The following AGBL3 variants were observed in gnomAD, a reference collection of about 807,000 sequenced individuals.
AGBL3 encodes AGBL carboxypeptidase 3.
AGBL3 carries 68 observed loss-of-function variants against 94.5 expected under a neutral mutation model. That is an observed-to-expected ratio of 0.72 (90% CI 0.59 to 0.88). The LOEUF (loss-of-function observed/expected upper bound fraction) is 0.88, where lower values mean the gene tolerates loss of function less well. Among genes scored for constraint, AGBL3 ranks in the 40% least tolerant of loss-of-function variants. AGBL3 has a pLI of 0.00. For synonymous variants in AGBL3, 354 were observed against 370.7 expected, an observed-to-expected ratio of 0.95 and a Z score of 0.52; for missense variants, 934 against 1,103.8, an observed-to-expected ratio of 0.85 and a Z score of 2.18.
In AGBL3 at chr7:135,037,588, C is replaced by G. The variant is rs1332546145; in HGVS notation, c.1500+8C>G. 2.4e-5 allele frequency: 37 copies of G among 1,529,702 alleles called. No individual in the cohort carries two copies. Among genetic ancestry groups the G allele is most frequent in the Non-Finnish European group, 3.3e-5 (37 of 1,137,394 alleles). The allele number at this position is 1,529,702 out of a possible 1,614,324, so 94.8% of individuals were successfully genotyped here. A position where few individuals can be genotyped will look rare whatever the true frequency, so the allele number is the denominator to read the frequency against. ...AAAAATTGTCCAGATAAAGTAAGCACCTTTTAAGGTATTAACTTTTCCTTT... is the reference window on the plus strand; with the variant it reads ...AAAAATTGTCCAGATAAAGTAAGCAGCTTTTAAGGTATTAACTTTTCCTTT... On this transcript the variant is annotated splice_region_variant and intron_variant, in intron 8 of 16. Transcript: ENST00000436302.
chr7:135,095,809 C>T (rs139527380), intron 15 of AGBL3, among the ~76,000 whole-genome samples: 5 of 152,156 alleles, frequency 3.3e-5, no homozygotes, highest in East Asian at 1.9e-4. Context: ...TCTGAGTGGA[C>T]GGGGGTACTG....
chr7:134,992,487 T>C (rs1810420453), intron 3 of AGBL3, among the ~76,000 whole-genome samples: 1 of 152,270 alleles, frequency 6.6e-6, no homozygotes, highest in African/African-American at 2.4e-5. Flanking sequence ...TATGCCCTAC[T>C]ACAGTGTAAG....
intron 11 of AGBL3, among the ~76,000 whole-genome samples, chr7:135,050,583 A>T (rs947504743): frequency 6.6e-6 from 1 of 151,638 alleles, no homozygotes; most frequent in Non-Finnish European, 1.5e-5. Context: ...TATATTTGTG[A>T]TTGTTGTATC....
chr7:135,124,687 T>C (rs1378226909), intron 16 of AGBL3, among the ~76,000 whole-genome samples: 2 of 152,178 alleles, frequency 1.3e-5, no homozygotes, highest in African/African-American at 4.8e-5. Context: ...ACTGAAATCA[T>C]AGCAAACAGT....
chr7:135,101,012 C>T, intron 15 of AGBL3: 1 of 356,132 alleles, frequency 2.8e-6, no homozygotes, highest in South Asian at 2.2e-5. Flanking sequence ...TATAACATGG[C>T]TATTACATTA....
chr7:135,073,445 C>T (rs1380823897), intron 12 of AGBL3, among the ~76,000 whole-genome samples: 1 of 151,440 alleles, frequency 6.6e-6, no homozygotes, highest in Non-Finnish European at 1.5e-5. Flanking sequence ...CACTCCAGCC[C>T]ACGTGACAGT....
chr7:135,070,314 C>A (rs563090089), intron 12 of AGBL3, among the ~76,000 whole-genome samples: 1 of 152,328 alleles, frequency 6.6e-6, no homozygotes, highest in South Asian at 2.1e-4. Flanking sequence ...GAGCTGGTAC[C>A]ATTCCTTCTG....
Position 135,004,896 on chromosome 7 carries a change from AT to A in AGBL3, c.310+11226del, listed in dbSNP as rs539990084. ...TTTGTGCTGTATTCTAATAATATAAATTTTTTTTATAAATCGGATTTATTTA... is the reference window on the plus strand; with the variant it reads ...TTTGTGCTGTATTCTAATAATATAAATTTTTTTATAAATCGGATTTATTTA... On this transcript the variant is annotated intron_variant, in intron 4 of 16. Coordinates refer to ENST00000436302, the MANE Select transcript of AGBL3 (RefSeq NM_178563.4). Among the ~76,000 whole-genome samples the A allele has an allele frequency of 2.3e-3, 349 of 151,430 alleles. 1 individual carries two copies. Among genetic ancestry groups the A allele is most frequent in the African/African-American group, 7.7e-3 (319 of 41,456 alleles).
rs1821667663 is a variant in AGBL3, at chr7:135,090,295, C to G, written c.2110+8505C>G. ...GTCATCTGGGCCCTAGAGGGCCCAG[C>G]AGAGCAATGACTCCATTTTCCAGGG... On this transcript the variant is annotated intron_variant, in intron 15 of 16. Transcript: ENST00000436302. Among the ~76,000 whole-genome samples, 3 of 152,154 alleles carry G rather than the reference C, an allele frequency of 2.0e-5. No homozygotes were observed. The South Asian group carries it at 6.2e-4, about 32-fold the overall frequency.
Position 134,986,562 on chromosome 7 carries a change from G to A in AGBL3, c.-199G>A, listed in dbSNP as rs1285734958. 6.6e-6 allele frequency: 1 copy of A among 152,184 alleles called. No individual in the cohort carries two copies. The highest frequency in any genetic ancestry group is 1.9e-4 in the East Asian group (1 of 5,134). The allele number at this position is 152,184 out of a possible 1,614,324, so 9.4% of individuals were successfully genotyped here. A position where few individuals can be genotyped will look rare whatever the true frequency, so the allele number is the denominator to read the frequency against. ...GCTGGGGCTGCGGATCTCCAGCAGT[G>A]GCGTTACTTCTAGCGGCTGGATACC... is the stretch of plus-strand genomic sequence containing the variant. On this transcript the variant is annotated 5_prime_UTR_variant, in exon 1 of 17. An upstream open reading frame in the 5' UTR gains an earlier in-frame stop. Transcript: ENST00000436302.
intron 14 of AGBL3, among the ~76,000 whole-genome samples, chr7:135,080,772 A>G (rs1820852313): frequency 7.6e-6 from 1 of 131,524 alleles, no homozygotes; most frequent in Admixed American, 8.0e-5. Context: ...TAATTCTGTC[A>G]TTTTATCTTT....
intron 16 of AGBL3, chr7:135,129,364 A>G: frequency 1.1e-6 from 1 of 907,222 alleles, no homozygotes; most frequent in Non-Finnish European, 1.9e-6. Context: ...GAATACCTGC[A>G]AGCAGATAAG....
chr7:134,988,997 C>G (rs1291518206), intron 2 of AGBL3, among the ~76,000 whole-genome samples: 1 of 150,726 alleles, frequency 6.6e-6, no homozygotes, highest in African/African-American at 2.5e-5. Flanking sequence ...AAACTTTATT[C>G]CTTCCATAAA....
At chr7:135,104,331 G>A (rs1191548453) in intron 15 of AGBL3, among the ~76,000 whole-genome samples, 1 of 152,106 alleles carries the variant, frequency 6.6e-6, no homozygotes, top group Non-Finnish European at 1.5e-5. Context: ...AGGCATCTAG[G>A]TTGATTCCAT....
rs1316548793 is a variant in AGBL3 at position 135,134,827 on chromosome 7, C to T, written c.2343-14C>T. The T allele has an allele frequency of 2.6e-6, 4 of 1,545,508 alleles. No individual in the cohort carries two copies. Among genetic ancestry groups the T allele is most frequent in the Non-Finnish European group, 3.5e-6 (4 of 1,142,996 alleles). ...ATGATGGACAAAAATTCACGTATTT[C>T]ATTTCTTTTCTAGACTAAATCCGGC... is the stretch of plus-strand genomic sequence containing the variant. On this transcript the variant is annotated splice_polypyrimidine_tract_variant and intron_variant, in intron 16 of 16. Coordinates refer to ENST00000436302, the MANE Select transcript of AGBL3 (RefSeq NM_178563.4).
intron 4 of AGBL3, chr7:135,011,485 A>C (rs2133463064): frequency 6.6e-6 from 1 of 150,824 alleles, no homozygotes; most frequent in Admixed American, 6.7e-5. Flanking sequence ...AGTTTGGGAG[A>C]ATATATTAAT....
intron 12 of AGBL3, among the ~76,000 whole-genome samples, chr7:135,068,470 A>C (rs1425153259): frequency 2.0e-5 from 3 of 152,202 alleles, no homozygotes; most frequent in Non-Finnish European, 4.4e-5. Context: ...AAAAAATGTT[A>C]AGGGCAGCCA....
intron 12 of AGBL3, among the ~76,000 whole-genome samples, chr7:135,068,639 T>G (rs1334996714): frequency 1.3e-5 from 2 of 152,082 alleles, no homozygotes; most frequent in African/African-American, 2.4e-5. Context: ...CAAACTAAAC[T>G]TCATAAGTGA....
Position 135,120,033 on chromosome 7 carries a change from A to G in AGBL3, c.2342+4422A>G, listed in dbSNP as rs777883790. Among the ~76,000 whole-genome samples the G allele has an allele frequency of 3.7e-4, 56 of 152,348 alleles. 1 individual carries two copies. Among genetic ancestry groups the G allele is most frequent in the South Asian group, 1.2e-3 (6 of 4,832 alleles). On this transcript the variant is annotated intron_variant, in intron 16 of 16. Coordinates refer to ENST00000436302, the MANE Select transcript of AGBL3 (RefSeq NM_178563.4). ...ATTGTCAACTTAGAATCCTATACCC[A>G]GTGAAAATAAGGGAGAAGTCAAGAA...
Sources: gnomAD v4.1 joint callset for allele counts (sites outside exome capture counted in the v4.1 genomes callset) on GRCh38, gnomAD v4.1.1 for gene constraint, MANE v1.5 for transcripts, NCBI Gene and HGNC (gene_info 2026-07-23, HGNC 2026-07-21) for gene names.